COL4A1: variants seen among roughly 807,000 people sequenced by gnomAD.
COL4A1 encodes collagen alpha-1(IV) chain.
In COL4A1, 40 loss-of-function variants were observed where a neutral mutation model predicts 216.6. That is an observed-to-expected ratio of 0.18 (90% confidence interval 0.14 to 0.24). COL4A1 has a LOEUF of 0.24. COL4A1 is among the 10% of genes least tolerant of loss of function. The pLI is 1.00. For missense variants in COL4A1, 1,628 were observed against 2,196.8 expected (o/e 0.74, Z 5.18); for synonymous variants, 839 against 810.7 (o/e 1.03, Z -0.59).
chr13:110,216,710 T>C (rs1233162336), intron 2 of COL4A1, among the ~76,000 whole-genome samples: 1 of 152,184 alleles, frequency 6.6e-6, no homozygotes, highest in Non-Finnish European at 1.5e-5. Context: ...GCCTCCACCA[T>C]AGTCCCTGTT....
Position 110,211,774 on chromosome 13 carries a change from A to G in COL4A1, c.441+95T>C. 1 of 1,490,174 alleles carries G rather than the reference A, an allele frequency of 6.7e-7. No homozygotes were observed. Among genetic ancestry groups the G allele is most frequent in the Non-Finnish European group, 9.2e-7 (1 of 1,082,496 alleles). 92.3% of individuals were successfully genotyped at this position (1,490,174 alleles called of 1,614,324 possible). A position where few individuals can be genotyped will look rare whatever the true frequency, so the allele number is the denominator to read the frequency against. On this transcript the variant is annotated intron_variant, in intron 7 of 51. Coordinates refer to ENST00000375820, the MANE Select transcript of COL4A1 (RefSeq NM_001845.6). This position sits in a 1 kb window ranked among gnomAD's most constrained non-coding sequence, Gnocchi z 4.3. ...TTATATATAAAATATAAGTTATTAAAACATAAGCAAAGAAAGAAAGAAAAG... is the reference window on the plus strand; with the variant it reads ...TTATATATAAAATATAAGTTATTAAGACATAAGCAAAGAAAGAAAGAAAAG...
chr13:110,187,651 A>G (rs905818155), intron 24 of COL4A1, among the ~76,000 whole-genome samples: 7 of 152,198 alleles, frequency 4.6e-5, no homozygotes, highest in African/African-American at 1.7e-4. Context: ...CAACTGCTCA[A>G]CATTCATAGG....
chr13:110,223,639 T>C (rs946730796), intron 2 of COL4A1, among the ~76,000 whole-genome samples: 2 of 152,378 alleles, frequency 1.3e-5, no homozygotes, highest in Admixed American at 6.5e-5. Flanking sequence ...TGGATGGTTG[T>C]GCATGTTGCA....
intron 1 of COL4A1, among the ~76,000 whole-genome samples, chr13:110,304,085 TG>T (rs1331731181): frequency 6.6e-6 from 1 of 152,214 alleles, no homozygotes; most frequent in Non-Finnish European, 1.5e-5. Context: ...TCAGAGTACA[TG>T]AACATTGTGT....
chr13:110,215,095 C>T (rs76085932), intron 2 of COL4A1, among the ~76,000 whole-genome samples: 12,812 of 152,226 alleles, frequency 0.084, 536 homozygotes, highest in African/African-American at 0.1. Context: ...TTAGCAACAG[C>T]CTCAGTGCTG....
At chr13:110,179,164 G>A (rs1243437237) in intron 30 of COL4A1, 107 bp downstream of exon 30, 30 of 1,564,814 alleles carry the variant, frequency 1.9e-5, no homozygotes, top group East Asian at 2.2e-5. Flanking sequence ...GATTTGCATC[G>A]TTCGTTCAAC....
intron 41 of COL4A1, 24 bp from the exon 42 acceptor site, chr13:110,170,756 G>T (rs768788964): frequency 6.2e-7 from 1 of 1,613,310 alleles, no homozygotes; most frequent in Admixed American, 1.7e-5. Flanking sequence ...ACAGTTTGAG[G>T]TGATGGGAAA....
At chr13:110,168,549 C>A (rs961444878) in intron 43 of COL4A1, among the ~76,000 whole-genome samples, 5 of 152,188 alleles carry the variant, frequency 3.3e-5, no homozygotes, top group Admixed American at 1.3e-4. Flanking sequence ...TATTTATAAG[C>A]ATTTCATAAC....
Position 110,183,150 on chromosome 13 carries a change from G to A in COL4A1, c.1990+34C>T, listed in dbSNP as rs750300609. The A allele has an allele frequency of 2.7e-5, 44 of 1,612,646 alleles. No homozygotes were observed. The East Asian group carries it at 4.7e-4, about 17-fold the overall frequency. On this transcript the variant is annotated intron_variant, in intron 27 of 51. Coordinates refer to ENST00000375820, the MANE Select transcript of COL4A1 (RefSeq NM_001845.6). ...GTGAGAAAAACGTGAGGAAACTCTC[G>A]TGGTATCCCGGTGAGCTGGAATTCC...
chr13:110,210,783 T>C (rs1403897081), intron 8 of COL4A1, among the ~76,000 whole-genome samples: 1 of 152,060 alleles, frequency 6.6e-6, no homozygotes, highest in Non-Finnish European at 1.5e-5. Context: ...CCTCATCCCA[T>C]CAGTTGAAGG....
intron 2 of COL4A1, among the ~76,000 whole-genome samples, chr13:110,219,751 T>C (rs1047852184): frequency 2.1e-5 from 3 of 144,986 alleles, no homozygotes; most frequent in Admixed American, 7.1e-5. Flanking sequence ...TATACATATG[T>C]GTATATATGC....
intron 50 of COL4A1, among the ~76,000 whole-genome samples, chr13:110,153,163 T>C (rs1009128262): frequency 3.3e-5 from 5 of 152,164 alleles, no homozygotes; most frequent in African/African-American, 1.2e-4. Context: ...ATTTCAGATA[T>C]AGGAAATGTG....
chr13:110,306,959 G>T lies in COL4A1; in HGVS notation c.69C>A (p.Ser23Arg). The change falls in exon 1 of 52, where the codon AGC becomes AGA. Residue 23 changes from serine to arginine, a missense_variant. Physicochemically the swap from Ser to Arg is moderately radical, Grantham distance 110 (BLOSUM62 -1). Coordinates refer to ENST00000375820, the MANE Select transcript of COL4A1 (RefSeq NM_001845.6). Reference protein sequence around the residue: ...PAALLLHEEHSRAAAKGGCAG... With the variant: ...PAALLLHEEHRRAAAKGGCAG... ...GGGAACTCACCTTCGCAGCGGCCCG[G>T]CTGTGCTCCTCGTGGAGCAGAAGGG... 6.8e-7 allele frequency: 1 copy of T among 1,475,902 alleles called. No homozygotes were observed. The highest frequency in any genetic ancestry group is 8.9e-7 in the Non-Finnish European group (1 of 1,118,712). The allele number at this position is 1,475,902 out of a possible 1,614,324, so 91.4% of individuals were successfully genotyped here.
At chr13:110,200,932 C>T in intron 19 of COL4A1, 43 bp from the exon 20 acceptor site, 1 of 1,603,084 alleles carries the variant, frequency 6.2e-7, no homozygotes, top group Non-Finnish European at 8.5e-7. Flanking sequence ...GAACAGTTCA[C>T]CCGTTTGTAT....
intron 21 of COL4A1, among the ~76,000 whole-genome samples, chr13:110,196,253 C>T (rs1329373834): frequency 6.6e-6 from 1 of 152,196 alleles, no homozygotes; most frequent in Non-Finnish European, 1.5e-5. Context: ...AGTGGGGTCA[C>T]CATGGGTCCC....
chr13:110,201,466 C>G lies in COL4A1; in HGVS notation c.1056G>C (p.Pro352=). Residue 352 remains proline, a synonymous_variant, in exon 19 of 52, where the codon CCG becomes CCC. Transcript: ENST00000375820. ...EKGERGYPGT[P]GPRGEPGPKG... ...TTGGGCCTGGCTCTCCTCTTGGCCC[C>G]GGAGTTCCAGGGTAGCCCCTCTCTC... is the stretch of plus-strand genomic sequence containing the variant. The G allele has an allele frequency of 6.2e-7, 1 of 1,614,020 alleles. No homozygotes were observed. Among genetic ancestry groups the G allele is most frequent in the East Asian group, 2.2e-5 (1 of 44,842 alleles).
chr13:110,229,029 TCAG>T (rs1194148942), intron 2 of COL4A1, among the ~76,000 whole-genome samples: 1 of 152,206 alleles, frequency 6.6e-6, no homozygotes, highest in African/African-American at 2.4e-5. Flanking sequence ...GGTTTTCCCA[TCAG>T]CAGATGTGAA....
In COL4A1 at chr13:110,162,421, G is replaced by A. The variant is rs760889798; in HGVS notation, c.4271C>T (p.Pro1424Leu). 6.2e-5 allele frequency: 100 copies of A among 1,613,948 alleles called. No homozygotes were observed. Among genetic ancestry groups the A allele is most frequent in the Non-Finnish European group, 8.2e-5 (97 of 1,179,978 alleles). The change falls in exon 48 of 52, where the codon CCA becomes CTA. Residue 1424 changes from proline to leucine, a missense_variant. By Grantham distance (98) the Pro-to-Leu change is moderately conservative (BLOSUM62 -3). Transcript: ENST00000375820. ...GPTGPRGFPG[P>L]PGPDGLPGSM... ...TCCTGGCAACCCATCGGGGCCTGGT[G>A]GACCTGGAAATCCTCTTGGACCTGG...
intron 17 of COL4A1, among the ~76,000 whole-genome samples, chr13:110,204,207 T>C (rs943513299): frequency 6.6e-6 from 1 of 152,180 alleles, no homozygotes; most frequent in Admixed American, 6.5e-5. Context: ...ATAAACGTCA[T>C]CGTAATGATT....
Sources: allele counts gnomAD v4.1 joint callset (sites outside exome capture counted in the v4.1 genomes callset), GRCh38; gene constraint gnomAD v4.1.1; non-coding constraint Gnocchi (gnomAD v3.1); transcripts MANE v1.5; gene names NCBI Gene and HGNC (gene_info 2026-07-23, HGNC 2026-07-21).